Variants in LRRK1 observed in about 807,000 individuals in gnomAD.
The protein encoded by LRRK1 is leucine rich repeat kinase 1.
LRRK1 carries 113 observed loss-of-function variants against 209.1 expected under a neutral mutation model. The observed-to-expected ratio is 0.54, with a 90% CI of 0.46 to 0.63. The LOEUF is 0.63. LRRK1 is among the 30% of genes least tolerant of loss of function. LRRK1 has a pLI of 0.00. For synonymous variants in LRRK1, 1,144 were observed against 1,099.7 expected (o/e 1.04, Z -0.80); for missense variants, 2,284 against 2,632.2 (o/e 0.87, Z 2.89).
In LRRK1 at chr15:101,074,546, C is replaced by T. The variant is rs905016491; in HGVS notation, c.*5698C>T. ...CCTAGACCCTAAAAGCCCAAAAGGC[C>T]GTCTTATTCTCAATATATATTTTAT... On this transcript the variant is annotated 3_prime_UTR_variant, in exon 34 of 34. Coordinates refer to ENST00000388948, the MANE Select transcript of LRRK1 (RefSeq NM_024652.6). The T allele has an allele frequency of 3.9e-5, 6 of 152,128 alleles. No homozygotes were observed. The highest frequency in any genetic ancestry group is 2.1e-4 in the South Asian group (1 of 4,830). 9.4% of individuals were successfully genotyped at this position (152,128 alleles called of 1,614,324 possible).
intron 2 of LRRK1, among the ~76,000 whole-genome samples, chr15:100,961,361 A>G (rs1230871480): frequency 6.6e-6 from 1 of 152,212 alleles, no homozygotes; most frequent in East Asian, 1.9e-4. Context: ...CATTAAAACC[A>G]TAGCAGTTGG....
chr15:100,987,208 T>C (rs2031923047), intron 4 of LRRK1, among the ~76,000 whole-genome samples: 1 of 152,146 alleles, frequency 6.6e-6, no homozygotes, highest in South Asian at 2.1e-4. Context: ...TACAGGGCCA[T>C]CCTGACCCCG....
At chr15:101,041,751 C>T (rs969449061) in intron 20 of LRRK1, among the ~76,000 whole-genome samples, 3 of 152,204 alleles carry the variant, frequency 2.0e-5, no homozygotes, top group Non-Finnish European at 4.4e-5. Flanking sequence ...CCCGTGGATG[C>T]CTAAAACTGC....
At chr15:101,063,344 C>T (rs1239137970) in intron 31 of LRRK1, among the ~76,000 whole-genome samples, 3 of 152,224 alleles carry the variant, frequency 2.0e-5, no homozygotes, top group Admixed American at 2.0e-4. Context: ...CAAAGCACCC[C>T]ACTCTGTGCT....
chr15:101,049,324 G>T, intron 22 of LRRK1: 1 of 258,134 alleles, frequency 3.9e-6, no homozygotes, highest in Non-Finnish European at 7.3e-6. Flanking sequence ...AAGGCCCAGG[G>T]TTGCTGCTGG....
Position 100,982,623 on chromosome 15 carries a change from C to G in LRRK1, c.262-905C>G, listed in dbSNP as rs78367433. The stretch of plus-strand genomic sequence containing the variant: ...CTCTGGGCCACCAAGTCAAGAGTCC[C>G]TCTGCATGCTGCTGGAGGATCTTTG... On this transcript the variant is annotated intron_variant, in intron 3 of 33. Transcript: ENST00000388948. 7.8e-3 allele frequency among the ~76,000 whole-genome samples: 1,194 copies of G among 152,340 alleles called. 16 individuals are homozygous for G. The highest frequency in any genetic ancestry group is 0.028 in the African/African-American group (1,147 of 41,574).
chr15:101,054,885 A>G, intron 26 of LRRK1, 61 bp from the exon 27 acceptor site: 1 of 1,356,228 alleles, frequency 7.4e-7, no homozygotes, highest in Non-Finnish European at 1.0e-6. Context: ...TGTTATCATG[A>G]TAATTTGATT....
chr15:101,040,932 C>T (rs537252462), intron 20 of LRRK1, among the ~76,000 whole-genome samples: 4 of 152,272 alleles, frequency 2.6e-5, no homozygotes, highest in East Asian at 3.9e-4. Flanking sequence ...TGGTAAACAA[C>T]GTGTTCAAAT....
intron 2 of LRRK1, among the ~76,000 whole-genome samples, chr15:100,956,669 T>C (rs1373971233): frequency 6.6e-6 from 1 of 151,946 alleles, no homozygotes. Context: ...TTCACCATCT[T>C]GACCAGGCTG....
chr15:101,068,035 C>T (rs1035081879), intron 33 of LRRK1, among the ~76,000 whole-genome samples: 1 of 152,134 alleles, frequency 6.6e-6, no homozygotes, highest in Non-Finnish European at 1.5e-5. Flanking sequence ...GCCGCACACA[C>T]GGGACACAGA....
intron 6 of LRRK1, among the ~76,000 whole-genome samples, chr15:100,995,325 C>G (rs2032353694): frequency 6.6e-6 from 1 of 152,214 alleles, no homozygotes; most frequent in South Asian, 2.1e-4. Flanking sequence ...GAATCCACCT[C>G]TGCCCGCAAA....
intron 27 of LRRK1, 94 bp downstream of exon 27, chr15:101,055,317 C>T (rs2035734982): frequency 1.6e-6 from 2 of 1,220,854 alleles, no homozygotes; most frequent in Non-Finnish European, 2.2e-6. Context: ...AGCTTCGGGG[C>T]TCAGCATCCC....
intron 1 of LRRK1, among the ~76,000 whole-genome samples, chr15:100,924,206 C>T (rs976098511): frequency 5.3e-5 from 8 of 152,224 alleles, no homozygotes; most frequent in Non-Finnish European, 1.2e-4. Context: ...AGCCTGGCTA[C>T]CTTGCATGTG....
rs1393532707 is a variant in LRRK1 at position 101,027,626 on chromosome 15, A to G, written c.2527-12A>G. ...GACCTGAGAGACCCTGCCTCGCCCAACTGTCCCCCAGATCCCCAGGAGCTA... is the reference window on the plus strand; with the variant it reads ...GACCTGAGAGACCCTGCCTCGCCCAGCTGTCCCCCAGATCCCCAGGAGCTA... On this transcript the variant is annotated splice_polypyrimidine_tract_variant and intron_variant, in intron 18 of 33. Coordinates refer to ENST00000388948, the MANE Select transcript of LRRK1 (RefSeq NM_024652.6). This position sits in a 1 kb window ranked among gnomAD's most constrained non-coding sequence, Gnocchi z 5.1. 1.2e-6 allele frequency: 2 copies of G among 1,609,484 alleles called. No homozygotes were observed. Among genetic ancestry groups the G allele is most frequent in the Non-Finnish European group, 1.7e-6 (2 of 1,178,732 alleles).
rs781447437 is a variant in LRRK1 at position 101,015,335 on chromosome 15, T to C, written c.1542T>C (p.Asp514=). 12 of 1,613,816 alleles carry C rather than the reference T, an allele frequency of 7.4e-6. No individual in the cohort carries two copies. The Admixed American group carries it at 1.3e-4, about 18-fold the overall frequency. ...TTTTTCCTCCCCCCAGAAATGAAGA[T>C]GGACTGAAAACGAAGCGTATTGCCT... ...LSRNQLGKNE[D]GLKTKRIAFF... The change falls in exon 12 of 34, where the codon GAT becomes GAC. Residue 514 remains aspartate, a synonymous_variant. Coordinates refer to ENST00000388948, the MANE Select transcript of LRRK1 (RefSeq NM_024652.6).
intron 2 of LRRK1, among the ~76,000 whole-genome samples, chr15:100,933,597 A>G (rs897433702): frequency 1.3e-5 from 2 of 152,186 alleles, no homozygotes; most frequent in Non-Finnish European, 2.9e-5. Flanking sequence ...TGAGGTGGGC[A>G]GATCACTTGA....
Position 101,065,800 on chromosome 15 carries a change from C to T in LRRK1, c.5363C>T (p.Pro1788Leu). ...CCCAGCCCCCTCAGGGACATGTTTC[C>T]CGTGCGGCCCTTGGACACGGAACCC... The part of the protein sequence containing the change: ...GVPSPLRDMF[P>L]VRPLDTEPPA... Residue 1788 changes from proline (P) to leucine (L), a missense_variant, in exon 32 of 34, where the codon CCC becomes CTC. Physicochemically the swap from Pro to Leu is moderately conservative, Grantham distance 98 (BLOSUM62 -3). Transcript: ENST00000388948. 6.2e-7 allele frequency: 1 copy of T among 1,614,116 alleles called. No homozygotes were observed. Among genetic ancestry groups the T allele is most frequent in the Non-Finnish European group, 8.5e-7 (1 of 1,180,030 alleles).
At chr15:100,936,225 C>G (rs2042297015) in intron 2 of LRRK1, among the ~76,000 whole-genome samples, 1 of 152,212 alleles carries the variant, frequency 6.6e-6, no homozygotes, top group African/African-American at 2.4e-5. Context: ...TTTAAGAAGT[C>G]AAACCTTACA....
chr15:101,052,784 G>A, intron 24 of LRRK1, 138 bp from the exon 25 acceptor site: 2 of 1,011,706 alleles, frequency 2.0e-6, no homozygotes, highest in Non-Finnish European at 2.8e-6. Flanking sequence ...AAGTGGCAGG[G>A]CCGGGGTGGC....
Sources: allele counts gnomAD v4.1 joint callset (sites outside exome capture counted in the v4.1 genomes callset), GRCh38; gene constraint gnomAD v4.1.1; non-coding constraint Gnocchi (gnomAD v3.1); transcripts MANE v1.5; gene names NCBI Gene and HGNC (gene_info 2026-07-23, HGNC 2026-07-21).